The following ITGA1 variants were observed in gnomAD, a reference collection of about 807,000 sequenced individuals.
ITGA1 encodes the protein integrin alpha-1.
Under a neutral mutation model 145.9 loss-of-function variants are expected in ITGA1, and 85 were observed. The ratio of observed to expected loss-of-function variants is 0.58; its 90% CI spans 0.49 to 0.70. The LOEUF is 0.70. Ranked by LOEUF, ITGA1 falls within the 30% of genes least tolerant of loss-of-function variation. The pLI is 0.00. For missense variants in ITGA1, 1,351 were observed against 1,418.7 expected (o/e 0.95, Z 0.77); for synonymous variants, 520 against 495.3 (o/e 1.05, Z -0.66).
At chr5:52,865,189 AC>A (rs369569127) in intron 5 of ITGA1, 107 bp downstream of exon 5, 1 of 728,852 alleles carries the variant, frequency 1.4e-6, no homozygotes. Context: ...TTTCTTAGCT[AC>A]CAGCATTACC....
intron 2 of ITGA1, among the ~76,000 whole-genome samples, chr5:52,858,788 CTAA>C (rs1449612764): frequency 6.6e-6 from 1 of 151,874 alleles, no homozygotes. Flanking sequence ...AAATAAATAC[CTAA>C]TAATAATAAG....
intron 7 of ITGA1, chr5:52,882,901 C>A (rs1749981233): frequency 6.6e-6 from 1 of 152,190 alleles, no homozygotes; most frequent in Non-Finnish European, 1.5e-5. Context: ...ATTACCCATG[C>A]TCTCACTTCA....
chr5:52,808,903 G>C (rs1748640814), intron 1 of ITGA1, among the ~76,000 whole-genome samples: 1 of 151,876 alleles, frequency 6.6e-6, no homozygotes. Context: ...ATTCCTGTTT[G>C]ATATATCTGA....
intron 17 of ITGA1, among the ~76,000 whole-genome samples, chr5:52,921,824 A>G (rs1750733454): frequency 6.6e-6 from 1 of 152,120 alleles, no homozygotes; most frequent in African/African-American, 2.4e-5. Context: ...TTGGTCTCTT[A>G]GAGGGTCAAT....
At chr5:52,792,372 T>C (rs1024975483) in intron 1 of ITGA1, among the ~76,000 whole-genome samples, 13 of 152,214 alleles carry the variant, frequency 8.5e-5, no homozygotes, top group Non-Finnish European at 5.9e-5. Flanking sequence ...GAAAATTGTC[T>C]TACTCATTGT....
chr5:52,891,989 G>A (rs1247456458), intron 8 of ITGA1, among the ~76,000 whole-genome samples: 1 of 151,972 alleles, frequency 6.6e-6, no homozygotes, highest in Non-Finnish European at 1.5e-5. Context: ...TAATTAGTTG[G>A]ACTTCATCAA....
rs753550497 is a variant in ITGA1, at chr5:52,800,772, G to T, written c.61+12358G>T. ...ATAGTGTGGTACTGGAGCGCATCGA[G>T]CAGGCCTGTGACCCAGCCTGGAGCG... is the stretch of plus-strand genomic sequence containing the variant. On this transcript the variant is annotated intron_variant, in intron 1 of 28. Coordinates refer to ENST00000282588, the MANE Select transcript of ITGA1 (RefSeq NM_181501.2). 48 of 1,614,032 alleles carry T rather than the reference G, an allele frequency of 3.0e-5. No homozygotes were observed. The highest frequency in any genetic ancestry group is 4.0e-5 in the Non-Finnish European group (47 of 1,180,000).
intron 1 of ITGA1, among the ~76,000 whole-genome samples, chr5:52,817,632 T>A (rs1748797871): frequency 6.6e-6 from 1 of 152,188 alleles, no homozygotes; most frequent in Non-Finnish European, 1.5e-5. Flanking sequence ...CAATTGTACT[T>A]TAGTGCACCA....
At chr5:52,912,502 CCACTATAGGT>C (rs1249526063) in intron 14 of ITGA1, among the ~76,000 whole-genome samples, 448 of 113,064 alleles carry the variant, frequency 4.0e-3, no homozygotes, top group African/African-American at 0.015. Flanking sequence ...TATAGTGTAT[CCACTATAGGT>C]ATTATATATA....
chr5:52,867,843 C>T (rs2086136), intron 6 of ITGA1, among the ~76,000 whole-genome samples: 71,303 of 151,446 alleles, frequency 0.47, 16,942 homozygotes, highest in East Asian at 0.65. Flanking sequence ...GCCCAGTTTG[C>T]TGTTGTTTTT....
At chr5:52,902,082 G>GTATT (rs1271339057) in intron 11 of ITGA1, 4 of 106,386 alleles carry the variant, frequency 3.8e-5, no homozygotes, top group Non-Finnish European at 9.7e-5. Context: ...AGAAGAGACT[G>GTATT]AGTGTATTTT....
chr5:52,951,955 G>T (rs1292798754), intron 28 of ITGA1, among the ~76,000 whole-genome samples: 1 of 152,130 alleles, frequency 6.6e-6, no homozygotes, highest in Non-Finnish European at 1.5e-5. Context: ...ACTTTGGGAG[G>T]CCGAGGCAGG....
In ITGA1 at chr5:52,821,378, C is replaced by T. The variant is rs79217203; in HGVS notation, c.62-27987C>T. 3.2e-3 allele frequency among the ~76,000 whole-genome samples: 481 copies of T among 152,250 alleles called. 1 individual carries two copies. The highest frequency in any genetic ancestry group is 0.011 in the African/African-American group (459 of 41,546). On this transcript the variant is annotated intron_variant, in intron 1 of 28. Coordinates refer to ENST00000282588, the MANE Select transcript of ITGA1 (RefSeq NM_181501.2). ...TTAGACAGCTCTCCTCACCCCATTC[C>T]GTGTGAAGATGGCCCCACTGATATT...
At chr5:52,800,183 A>C (rs114511828) in intron 1 of ITGA1, 3 of 585,634 alleles carry the variant, frequency 5.1e-6, no homozygotes, top group South Asian at 2.0e-5. Context: ...TGTTAGACGC[A>C]GCGCGCCGGG....
At chr5:52,890,894 C>T (rs937337714) in intron 8 of ITGA1, among the ~76,000 whole-genome samples, 1 of 152,140 alleles carries the variant, frequency 6.6e-6, no homozygotes, top group African/African-American at 2.4e-5. Flanking sequence ...CTACTCTTTC[C>T]AGCCTTTGAT....
intron 8 of ITGA1, among the ~76,000 whole-genome samples, chr5:52,891,262 C>CTTT (rs369752958): frequency 1.1e-3 from 151 of 135,726 alleles, no homozygotes; most frequent in Non-Finnish European, 1.5e-3. Flanking sequence ...TTTTTTTTTT[C>CTTT]TTTTTTTTTT....
intron 1 of ITGA1, among the ~76,000 whole-genome samples, chr5:52,798,691 A>G (rs1748394380): frequency 6.6e-6 from 1 of 152,206 alleles, no homozygotes; most frequent in Non-Finnish European, 1.5e-5. Flanking sequence ...GTAAGATAAC[A>G]TAGACAAATG....
chr5:52,915,470 C>G lies in ITGA1; in HGVS notation c.1864C>G (p.Pro622Ala), dbSNP rs1441703893. ...TIRKEYAQRI[P>A]SGGDGKTLKF... The stretch of plus-strand genomic sequence containing the variant: ...TTTTTTTGGATTCTCACAGCGTATT[C>G]CATCAGGTGGGGATGGTAAGACACT... Residue 622 changes from proline to alanine, a missense_variant, in exon 15 of 29, where the codon CCA (proline) becomes GCA (alanine). Physicochemically the swap from Pro to Ala is conservative, Grantham distance 27. Coordinates refer to ENST00000282588, the MANE Select transcript of ITGA1 (RefSeq NM_181501.2). The G allele has an allele frequency of 6.2e-7, 1 of 1,613,786 alleles. No individual in the cohort carries two copies. Among genetic ancestry groups the G allele is most frequent in the South Asian group, 1.1e-5 (1 of 91,026 alleles).
chr5:52,912,738 G>GTATA (rs556772596), intron 14 of ITGA1, among the ~76,000 whole-genome samples: 8 of 111,514 alleles, frequency 7.2e-5, no homozygotes, highest in Admixed American at 3.5e-4. Flanking sequence ...GTGTGTGTGT[G>GTATA]TGTATATATA....
Sources: gnomAD v4.1 joint callset for allele counts (sites outside exome capture counted in the v4.1 genomes callset) on GRCh38, gnomAD v4.1.1 for gene constraint, MANE v1.5 for transcripts, NCBI Gene and HGNC (gene_info 2026-07-23, HGNC 2026-07-21) for gene names.